CFAP57: variants seen among roughly 807,000 people sequenced by gnomAD.
CFAP57 encodes the protein cilia and flagella associated protein 57.
A neutral mutation model predicts 146.8 loss-of-function variants in CFAP57; 116 were observed. That is an observed-to-expected ratio of 0.79 (90% CI 0.68 to 0.92). The LOEUF is 0.92. Ranked by LOEUF, CFAP57 falls within the 40% of genes least tolerant of loss-of-function variation. The probability of loss-of-function intolerance (pLI) is 0.00; values close to 1 mark genes in which losing one functional copy is unlikely to be tolerated. For missense variants in CFAP57, 1,377 were observed against 1,527.2 expected (o/e 0.90, Z 1.64); for synonymous variants, 518 against 552.8 (o/e 0.94, Z 0.88).
Position 43,222,955 on chromosome 1 carries a change from A to G in CFAP57, c.2664A>G (p.Ser888=). Residue 888 remains serine (S), a synonymous_variant, in exon 16 of 23, where the codon TCA becomes TCG. Transcript: ENST00000372492. Reference sequence around the variant, plus strand: ...AAAAGCTTCGGGATGAAAAGGAATCAAACCTGCGGCTCAAGGGAGAAACAG... The same window carrying G: ...AAAAGCTTCGGGATGAAAAGGAATCGAACCTGCGGCTCAAGGGAGAAACAG... ...YEKKLRDEKE[S]NLRLKGETGI... 2 of 1,550,428 alleles carry G rather than the reference A, an allele frequency of 1.3e-6. No individual in the cohort carries two copies. Among genetic ancestry groups the G allele is most frequent in the African/African-American group, 2.7e-5 (2 of 73,156 alleles).
chr1:43,230,246 C>G (rs141030640), intron 18 of CFAP57, among the ~76,000 whole-genome samples: 1 of 152,168 alleles, frequency 6.6e-6, no homozygotes. Context: ...TCGGGAGCCC[C>G]GCAAACAGAA....
At chr1:43,225,029 G>GACA (rs1645191707) in intron 17 of CFAP57, among the ~76,000 whole-genome samples, 1 of 152,136 alleles carries the variant, frequency 6.6e-6, no homozygotes, top group Non-Finnish European at 1.5e-5. Flanking sequence ...CTGCATGTGA[G>GACA]TGTCGGTGTA....
intron 5 of CFAP57, 129 bp downstream of exon 5, chr1:43,185,485 G>A: frequency 1.2e-6 from 1 of 830,828 alleles, no homozygotes; most frequent in East Asian, 2.6e-5. Context: ...ATGGTGAAAT[G>A]GTGACTCGAG....
chr1:43,172,726 C>G lies in CFAP57; in HGVS notation c.-19-9C>G, dbSNP rs771924931. On this transcript the variant is annotated splice_polypyrimidine_tract_variant and intron_variant, in intron 1 of 22. Coordinates refer to ENST00000372492, the MANE Select transcript of CFAP57 (RefSeq NM_001378189.1). The stretch of plus-strand genomic sequence containing the variant: ...CTCCACTCTGAAGCGCTGCCTTGGT[C>G]TTCAGCAGAACTGTTTGGCGGGAGA... 1 of 1,613,510 alleles carries G rather than the reference C, an allele frequency of 6.2e-7. No individual in the cohort carries two copies. Among genetic ancestry groups the G allele is most frequent in the African/African-American group, 1.3e-5 (1 of 74,976 alleles).
chr1:43,227,821 TC>T (rs1234457445), intron 18 of CFAP57, among the ~76,000 whole-genome samples: 2 of 152,254 alleles, frequency 1.3e-5, no homozygotes, highest in African/African-American at 4.8e-5. Flanking sequence ...GATTTTTCTC[TC>T]CCCCTTCCTC....
In CFAP57 at chr1:43,190,364, G is replaced by A. The variant is rs558751130; in HGVS notation, c.1122+3505G>A. 1.3e-4 allele frequency among the ~76,000 whole-genome samples: 19 copies of A among 147,832 alleles called. No homozygotes were observed. The South Asian group carries it at 1.5e-3, about 12-fold the overall frequency. On this transcript the variant is annotated intron_variant, in intron 6 of 22. Transcript: ENST00000372492. ...TGGCTCACTGCAAGCTCCACCTACCGGGTTCATGCCATTCTCCTGCCTCAG... is the reference window on the plus strand; with the variant it reads ...TGGCTCACTGCAAGCTCCACCTACCAGGTTCATGCCATTCTCCTGCCTCAG...
At chr1:43,246,202 T>G (rs985964148) in intron 22 of CFAP57, among the ~76,000 whole-genome samples, 4 of 152,180 alleles carry the variant, frequency 2.6e-5, no homozygotes, top group African/African-American at 9.7e-5. Flanking sequence ...AATATCAAGG[T>G]ACCCTGAATA....
chr1:43,217,131 G>T (rs146429273), intron 12 of CFAP57, among the ~76,000 whole-genome samples: 17 of 152,132 alleles, frequency 1.1e-4, no homozygotes, highest in African/African-American at 2.9e-4. Flanking sequence ...TGAGGGAGTG[G>T]TGGTCTGCAA....
At chr1:43,226,939 A>G in intron 17 of CFAP57, 44 bp from the exon 18 acceptor site, 2 of 1,461,594 alleles carry the variant, frequency 1.4e-6, no homozygotes, top group South Asian at 1.5e-5. Flanking sequence ...GCAGTATACC[A>G]GGGCCTTACA....
chr1:43,225,655 T>C (rs1005034557), intron 17 of CFAP57, among the ~76,000 whole-genome samples: 1 of 152,248 alleles, frequency 6.6e-6, no homozygotes, highest in Non-Finnish European at 1.5e-5. Flanking sequence ...ACCCTCAATA[T>C]ATACTTTGCC....
rs1645777686 is a variant in CFAP57, at chr1:43,238,253, G to A, written c.3405+3615G>A. On this transcript the variant is annotated intron_variant, in intron 21 of 22. Coordinates refer to ENST00000372492, the MANE Select transcript of CFAP57 (RefSeq NM_001378189.1). The surrounding 1 kb of genome is among the most constrained non-coding windows in gnomAD (Gnocchi z 4.3). ...CTGTGAGGTACTGCCATATTCTAAA[G>A]GCATCGACTCAGGCCATGCCATTAG... 6.6e-6 allele frequency among the ~76,000 whole-genome samples: 1 copy of A among 152,160 alleles called. No homozygotes were observed. Among genetic ancestry groups the A allele is most frequent in the African/African-American group, 2.4e-5 (1 of 41,432 alleles).
chr1:43,222,333 G>T, intron 15 of CFAP57, 38 bp downstream of exon 15: 2 of 1,387,210 alleles, frequency 1.4e-6, no homozygotes, highest in Non-Finnish European at 1.9e-6. Flanking sequence ...CCCTTTCACA[G>T]AGAAAAGCCA....
intron 21 of CFAP57, among the ~76,000 whole-genome samples, chr1:43,240,243 C>T (rs1645859784): frequency 6.6e-6 from 1 of 151,886 alleles, no homozygotes; most frequent in African/African-American, 2.4e-5. Context: ...GTGGGGCACT[C>T]CTGGGCAGCA....
At chr1:43,190,682 A>G (rs1337133916) in intron 6 of CFAP57, among the ~76,000 whole-genome samples, 1 of 149,630 alleles carries the variant, frequency 6.7e-6, no homozygotes, top group Non-Finnish European at 1.5e-5. Context: ...TGTTTTTATC[A>G]TGAACGGCTG....
Position 43,181,606 on chromosome 1 carries a change from C to T in CFAP57, c.230C>T (p.Thr77Ile), listed in dbSNP as rs1645409801. ...CGGCGGTACCTCGCTATCTCTGAGA[C>T]TGTGCAAGAAAAACCTGCCATCACC... ...PNRRYLAISE[T>I]VQEKPAITIY... Residue 77 changes from threonine to isoleucine, a missense_variant, in exon 3 of 23, where the codon ACT (threonine) becomes ATT (isoleucine). By Grantham distance (89) the Thr-to-Ile change is moderately conservative. Transcript: ENST00000372492. 1 of 1,614,200 alleles carries T rather than the reference C, an allele frequency of 6.2e-7. No homozygotes were observed. The highest frequency in any genetic ancestry group is 1.7e-5 in the Admixed American group (1 of 60,016).
rs544081829 is a variant in CFAP57, at chr1:43,236,254, G to C, written c.3405+1616G>C. ...CAGGGAGTAAGAAGGGGCCCAGGGT[G>C]GGGGGTGTGTGGCAGGGGGTGCGGG... On this transcript the variant is annotated intron_variant, in intron 21 of 22. Transcript: ENST00000372492. Among the ~76,000 whole-genome samples, 22 of 152,202 alleles carry C rather than the reference G, an allele frequency of 1.4e-4. No individual in the cohort carries two copies. In the South Asian group the frequency reaches 4.2e-3, roughly 29 times the overall value.
chr1:43,226,844 C>G, intron 17 of CFAP57, 139 bp from the exon 18 acceptor site: 1 of 962,200 alleles, frequency 1.0e-6, no homozygotes. Flanking sequence ...AGCCTCTGTA[C>G]TGACGAAGGG....
At chr1:43,240,875 C>T (rs1035391185) in intron 21 of CFAP57, among the ~76,000 whole-genome samples, 14 of 152,188 alleles carry the variant, frequency 9.2e-5, no homozygotes, top group African/African-American at 3.1e-4. Flanking sequence ...CGCTCTGTCG[C>T]CCAGGCTGGA....
Position 43,234,589 on chromosome 1 carries a change from T to A in CFAP57, c.3356T>A (p.Val1119Glu), listed in dbSNP as rs1200991052. The A allele has an allele frequency of 6.5e-7, 1 of 1,550,142 alleles. No individual in the cohort carries two copies. Among genetic ancestry groups the A allele is most frequent in the East Asian group, 2.4e-5 (1 of 40,872 alleles). The change falls in exon 21 of 23, where the codon GTG becomes GAG. Residue 1119 changes from valine (V) to glutamate (E), a missense_variant. Physicochemically the swap from Val to Glu is moderately radical, Grantham distance 121 (BLOSUM62 -2). Coordinates refer to ENST00000372492, the MANE Select transcript of CFAP57 (RefSeq NM_001378189.1). ...AACCTGGCCACTCTCAAGAAGAAGG[T>A]GGTCAAGGAGGGCGAGCTGCACCGC... ...ERNLATLKKKVVKEGELHRTD... is the reference protein window; with the variant it reads ...ERNLATLKKKEVKEGELHRTD...
Sources: gnomAD v4.1 joint callset for allele counts (sites outside exome capture counted in the v4.1 genomes callset) on GRCh38, gnomAD v4.1.1 for gene constraint, Gnocchi (gnomAD v3.1) non-coding constraint, MANE v1.5 for transcripts, NCBI Gene and HGNC (gene_info 2026-07-23, HGNC 2026-07-21) for gene names.